Variants in DSCAM observed in about 807,000 individuals in gnomAD.
The protein encoded by DSCAM is cell adhesion molecule DSCAM.
DSCAM carries 47 observed loss-of-function variants against 217.7 expected under a neutral mutation model. The ratio of observed to expected loss-of-function variants is 0.22; its 90% CI spans 0.17 to 0.28. The LOEUF is 0.28. Among genes scored for constraint, DSCAM ranks in the 10% least tolerant of loss-of-function variants. The pLI, the probability that DSCAM is intolerant of heterozygous loss-of-function variation, is 1.00. For synonymous variants in DSCAM, 1,056 were observed against 1,015.3 expected, an observed-to-expected ratio of 1.04 and a Z score of -0.76; for missense variants, 2,080 against 2,618.3, an observed-to-expected ratio of 0.79 and a Z score of 4.49.
chr21:40,209,691 C>T (rs2091163528), intron 11 of DSCAM, among the ~76,000 whole-genome samples: 1 of 152,156 alleles, frequency 6.6e-6, no homozygotes, highest in Admixed American at 6.5e-5. Context: ...CAATCAGTGG[C>T]CTGGTCCTTC....
intron 2 of DSCAM, among the ~76,000 whole-genome samples, chr21:40,694,729 T>G (rs2090577191): frequency 6.6e-6 from 1 of 151,136 alleles, no homozygotes; most frequent in South Asian, 2.1e-4. Context: ...AGGCAAAAAT[T>G]CAGGGCGCCC....
intron 3 of DSCAM, among the ~76,000 whole-genome samples, chr21:40,593,157 T>G (rs536809144): frequency 4.6e-4 from 70 of 152,194 alleles, no homozygotes; most frequent in African/African-American, 1.7e-3. Flanking sequence ...ATATTGGAAC[T>G]TCACAAAAAA....
In DSCAM at chr21:40,339,217, T is replaced by A; in HGVS notation, c.1409A>T (p.Asn470Ile). Reference protein sequence around the residue: ...TSEGNVVSYLNISSSQVRDGG... With the variant: ...TSEGNVVSYLIISSSQVRDGG... ...GTCCCGGACCTGGGAGCTGGAGATGTTCAGGTAGCTGACCACGTTCCCCTC... is the reference window on the plus strand; with the variant it reads ...GTCCCGGACCTGGGAGCTGGAGATGATCAGGTAGCTGACCACGTTCCCCTC... The change falls in exon 7 of 33, where the codon AAC becomes ATC. Residue 470 changes from asparagine to isoleucine, a missense_variant. Asn to Ile is a moderately radical substitution (Grantham distance 149, BLOSUM62 -3). Around this residue, in one of 5 missense-constraint regions of DSCAM, gnomAD observed 568 missense variants for 678.1 expected, o/e 0.84. Transcript: ENST00000400454. 1 of 1,614,198 alleles carries A rather than the reference T, an allele frequency of 6.2e-7. No individual in the cohort carries two copies. Among genetic ancestry groups the A allele is most frequent in the Admixed American group, 1.7e-5 (1 of 60,026 alleles).
chr21:40,735,193 G>A (rs561135714), intron 1 of DSCAM, among the ~76,000 whole-genome samples: 1 of 152,308 alleles, frequency 6.6e-6, no homozygotes, highest in African/African-American at 2.4e-5. Context: ...AAATGGGTAA[G>A]TACTGCATCC....
chr21:40,813,614 A>G (rs1214242795), intron 1 of DSCAM, among the ~76,000 whole-genome samples: 1 of 143,782 alleles, frequency 7.0e-6, no homozygotes, highest in Non-Finnish European at 1.5e-5. Context: ...ATATATTTGT[A>G]TAGTTTTGAG....
chr21:40,378,554 ATTTTTTTTTTTTTTT>A, intron 3 of DSCAM, among the ~76,000 whole-genome samples: 1 of 75,650 alleles, frequency 1.3e-5, no homozygotes, highest in Non-Finnish European at 2.5e-5. Context: ...ATGAAAACTT[ATTTTTTTTTTTTTTT>A]TTTTTTTTTT....
At position 40,369,385 on chromosome 21, in the gene DSCAM, C is replaced by CGTGTGTGTGTGT. The variant is rs35564463; in HGVS notation, c.509-152_509-141dup. The CGTGTGTGTGTGT allele has an allele frequency of 1.2e-3, 462 of 385,490 alleles. 3 individuals are homozygous for CGTGTGTGTGTGT. Among genetic ancestry groups the CGTGTGTGTGTGT allele is most frequent in the Admixed American group, 2.5e-3 (56 of 22,464 alleles). 23.9% of individuals were successfully genotyped at this position (385,490 alleles called of 1,614,324 possible). A position where few individuals can be genotyped will look rare whatever the true frequency, so the allele number is the denominator to read the frequency against. On this transcript the variant is annotated intron_variant, in intron 3 of 32. Coordinates refer to ENST00000400454, the MANE Select transcript of DSCAM (RefSeq NM_001389.5). ...GGCTAAAAATGGGTGCGTGCGTCTG[C>CGTGTGTGTGTGT]GTGTGTGTGTGTGTGTGTGTGTGTG...
In DSCAM at chr21:40,171,113, T is replaced by C. The variant is rs76151845; in HGVS notation, c.2948-3825A>G. ...TTTTTCTTGAGACAGGGTCTCACTCTGTCGCCCAGGCTAGAATGCAGTGGC... is the reference window on the plus strand; with the variant it reads ...TTTTTCTTGAGACAGGGTCTCACTCCGTCGCCCAGGCTAGAATGCAGTGGC... On this transcript the variant is annotated intron_variant, in intron 15 of 32. Transcript: ENST00000400454. Among the ~76,000 whole-genome samples the C allele has an allele frequency of 3.9e-5, 6 of 152,354 alleles. No homozygotes were observed. In the East Asian group the frequency reaches 7.7e-4, roughly 20 times the overall value.
chr21:40,745,435 G>A (rs906253926), intron 1 of DSCAM, among the ~76,000 whole-genome samples: 8 of 152,154 alleles, frequency 5.3e-5, no homozygotes, highest in Non-Finnish European at 1.0e-4. Flanking sequence ...ATTCACCTGA[G>A]CCCCAGTGCA....
chr21:40,772,486 CCTAT>C (rs1028542831), intron 1 of DSCAM, among the ~76,000 whole-genome samples: 1 of 152,162 alleles, frequency 6.6e-6, no homozygotes, highest in Non-Finnish European at 1.5e-5. Context: ...ATGGTTATTG[CCTAT>C]CTCTTTCCTC....
chr21:40,588,988 G>C (rs2146239139), intron 3 of DSCAM, among the ~76,000 whole-genome samples: 1 of 152,288 alleles, frequency 6.6e-6, no homozygotes, highest in Middle Eastern at 3.4e-3. Context: ...CAAACTGTAT[G>C]TGTATGAAAA....
intron 8 of DSCAM, among the ~76,000 whole-genome samples, chr21:40,334,841 G>GC (rs898879118): frequency 1.3e-5 from 2 of 151,866 alleles, no homozygotes; most frequent in Non-Finnish European, 2.9e-5. Context: ...CCTTAGTCTG[G>GC]CCATGTGACT....
At position 40,384,183 on chromosome 21, in the gene DSCAM, T is replaced by C. The variant is rs558443007; in HGVS notation, c.509-14938A>G. 7 of 152,496 alleles carry C rather than the reference T, an allele frequency of 4.6e-5. No homozygotes were observed. The South Asian group carries it at 1.5e-3, about 32-fold the overall frequency. 9.4% of individuals were successfully genotyped at this position (152,496 alleles called of 1,614,324 possible). A position where few individuals can be genotyped will look rare whatever the true frequency, so the allele number is the denominator to read the frequency against. On this transcript the variant is annotated intron_variant, in intron 3 of 32. Transcript: ENST00000400454. ...GGCCCACAGGTTGGTGCTAGGATAG[T>C]GGCAGATGATTTTCATTGTCAGACT...
chr21:40,665,973 G>GGCTTTTCC (rs60988492), intron 3 of DSCAM, among the ~76,000 whole-genome samples: 120,793 of 151,448 alleles, frequency 0.8, 49,917 homozygotes, highest in East Asian at 0.98. Flanking sequence ...AATCAGCTCA[G>GGCTTTTCC]GCTTTTCCCC....
At chr21:40,619,355 T>C (rs1173531753) in intron 3 of DSCAM, among the ~76,000 whole-genome samples, 1 of 152,230 alleles carries the variant, frequency 6.6e-6, no homozygotes, top group Admixed American at 6.5e-5. Context: ...GATGATTACA[T>C]TATTTTGAAT....
intron 3 of DSCAM, among the ~76,000 whole-genome samples, chr21:40,467,584 T>C (rs2145960925): frequency 6.6e-6 from 1 of 152,264 alleles, no homozygotes; most frequent in East Asian, 1.9e-4. Context: ...AAGAGAAGAA[T>C]CAACACTTTT....
intron 11 of DSCAM, among the ~76,000 whole-genome samples, chr21:40,215,460 T>C (rs1193272449): frequency 6.3e-5 from 9 of 141,750 alleles, no homozygotes; most frequent in African/African-American, 2.3e-4. Context: ...ATATATACCA[T>C]GAAATGCAAC....
intron 20 of DSCAM, among the ~76,000 whole-genome samples, chr21:40,110,401 C>G (rs1359899081): frequency 6.6e-6 from 1 of 152,140 alleles, no homozygotes; most frequent in Non-Finnish European, 1.5e-5. Flanking sequence ...ACATCCACAC[C>G]AAAACCCCAT....
rs116010922 is a variant in DSCAM at position 40,216,019 on chromosome 21, G to A, written c.2357-26781C>T. ...ACCCAGTTATAAACATGCATTTCAC[G>A]CCAATATTTCTTCTTCAGAATAAGT... On this transcript the variant is annotated intron_variant, in intron 11 of 32. Transcript: ENST00000400454. Among the ~76,000 whole-genome samples, 658 of 151,118 alleles carry A rather than the reference G, an allele frequency of 4.4e-3. 7 individuals are homozygous for A. The highest frequency in any genetic ancestry group is 0.015 in the African/African-American group (636 of 41,182).
Sources: gnomAD v4.1 joint callset for allele counts (sites outside exome capture counted in the v4.1 genomes callset) on GRCh38, gnomAD v4.1.1 for gene constraint, gnomAD v4.1.1 regional missense constraint, MANE v1.5 for transcripts, NCBI Gene and HGNC (gene_info 2026-07-23, HGNC 2026-07-21) for gene names.